Variants in ARHGEF18 observed in about 807,000 individuals in gnomAD.
The protein encoded by ARHGEF18 is Rho/Rac guanine nucleotide exchange factor 18.
A neutral mutation model predicts 155.7 loss-of-function variants in ARHGEF18; 93 were observed. The observed-to-expected ratio is 0.60, with a 90% CI of 0.50 to 0.71. ARHGEF18 has a LOEUF of 0.71. ARHGEF18 is among the 30% of genes least tolerant of loss of function. The pLI, the probability that ARHGEF18 is intolerant of heterozygous loss-of-function variation, is 0.00. For missense variants in ARHGEF18, 1,593 were observed against 1,816.1 expected (o/e 0.88, Z 2.23); for synonymous variants, 742 against 753.1 (o/e 0.99, Z 0.24).
intron 10 of ARHGEF18, among the ~76,000 whole-genome samples, chr19:7,385,480 A>G (rs182144091): frequency 8.2e-5 from 12 of 145,492 alleles, no homozygotes; most frequent in African/African-American, 2.0e-4. Context: ...TATTATTATT[A>G]TTATTATTAT....
rs35219215 is a variant in ARHGEF18 at position 7,352,531 on chromosome 19, C to CTTTTTTTT, written c.-111+3303_-111+3310dup. Among the ~76,000 whole-genome samples, 10 of 93,186 alleles carry CTTTTTTTT rather than the reference C, an allele frequency of 1.1e-4. 1 individual carries two copies. The highest frequency in any genetic ancestry group is 3.3e-4 in the East Asian group (1 of 3,044). The allele number at this position is 93,186 out of a possible 152,430, so 61.1% of individuals were successfully genotyped here. On this transcript the variant is annotated intron_variant, in intron 1 of 28. Transcript: ENST00000668164. Reference sequence around the variant, plus strand: ...TGTCCTTCTCACTTTCCTAGGTTTCCTTTTTTTTTTTTTTTTTTTTGAGAT... The same window carrying CTTTTTTTT: ...TGTCCTTCTCACTTTCCTAGGTTTCCTTTTTTTTTTTTTTTTTTTTTTTTTTTTGAGAT...
In ARHGEF18 at chr19:7,467,448, G is replaced by C; in HGVS notation, c.3244G>C (p.Glu1082Gln). The change falls in exon 26 of 29, where the codon GAG (glutamate) becomes CAG (glutamine). Residue 1082 changes from glutamate (E) to glutamine (Q), a missense_variant. Glu to Gln is a conservative substitution (Grantham distance 29). Coordinates refer to ENST00000668164, the MANE Select transcript of ARHGEF18 (RefSeq NM_001367823.1). The part of the protein sequence containing the change: ...RERQWQHQEL[E>Q]RAGARLQERE... ...GCGCCAGTGGCAGCACCAGGAGCTG[G>C]AGCGTGCGGGCGCGCGGCTGCAGGA... 6.5e-7 allele frequency: 1 copy of C among 1,527,494 alleles called. No homozygotes were observed. The highest frequency in any genetic ancestry group is 8.7e-7 in the Non-Finnish European group (1 of 1,143,124). 94.6% of individuals were successfully genotyped at this position (1,527,494 alleles called of 1,614,324 possible). A position where few individuals can be genotyped will look rare whatever the true frequency, so the allele number is the denominator to read the frequency against.
At position 7,467,482 on chromosome 19, in the gene ARHGEF18, G is replaced by A; in HGVS notation, c.3278G>A (p.Gly1093Asp). Reference protein sequence around the residue: ...RAGARLQEREGEARQLRERLE... With the variant: ...RAGARLQEREDEARQLRERLE... The stretch of plus-strand genomic sequence containing the variant: ...GGCGCGCGGCTGCAGGAGCGCGAGG[G>A]CGAGGCGCGGCAGCTACGCGAGCGG... Residue 1093 changes from glycine (G) to aspartate (D), a missense_variant, in exon 26 of 29, where the codon GGC (glycine) becomes GAC (aspartate). By Grantham distance (94) the Gly-to-Asp change is moderately conservative. Transcript: ENST00000668164. 2 of 1,452,642 alleles carry A rather than the reference G, an allele frequency of 1.4e-6. No homozygotes were observed. The highest frequency in any genetic ancestry group is 2.5e-4 in the Middle Eastern group (1 of 4,018). 90.0% of individuals were successfully genotyped at this position (1,452,642 alleles called of 1,614,324 possible). A position where few individuals can be genotyped will look rare whatever the true frequency, so the allele number is the denominator to read the frequency against.
At chr19:7,418,009 T>C (rs10404890) in intron 10 of ARHGEF18, among the ~76,000 whole-genome samples, 23,455 of 152,144 alleles carry the variant, frequency 0.15, 3,771 homozygotes, top group African/African-American at 0.41. Context: ...TTGCCGACCA[T>C]TCTTGCAGGT....
intron 2 of ARHGEF18, among the ~76,000 whole-genome samples, chr19:7,366,499 G>A (rs1969891908): frequency 6.6e-6 from 1 of 152,182 alleles, no homozygotes; most frequent in African/African-American, 2.4e-5. Flanking sequence ...CTCCTACTCA[G>A]TCCTCAGACC....
At chr19:7,465,792 AG>A (rs1479895846) in intron 23 of ARHGEF18, among the ~76,000 whole-genome samples, 2 of 152,198 alleles carry the variant, frequency 1.3e-5, no homozygotes, top group Non-Finnish European at 2.9e-5. Context: ...TTTTTAAAAT[AG>A]CTGATCCTTT....
intron 10 of ARHGEF18, among the ~76,000 whole-genome samples, chr19:7,426,000 AAAAAT>A (rs200882374): frequency 0.015 from 2,352 of 152,116 alleles, 59 homozygotes; most frequent in African/African-American, 0.052. Context: ...ACCCTGTCTC[AAAAAT>A]AAAATAAAAT....
intron 23 of ARHGEF18, 108 bp downstream of exon 23, chr19:7,464,798 A>C (rs1976515544): frequency 2.1e-6 from 3 of 1,426,534 alleles, no homozygotes; most frequent in Non-Finnish European, 2.9e-6. Flanking sequence ...AGCATCGACA[A>C]GCATTGTTTG....
chr19:7,373,849 ATTT>A lies in ARHGEF18; in HGVS notation c.275+795_275+797del, dbSNP rs57703407. Among the ~76,000 whole-genome samples the A allele has an allele frequency of 2.3e-3, 280 of 122,008 alleles. 1 individual carries two copies. The highest frequency in any genetic ancestry group is 3.1e-3 in the Non-Finnish European group (185 of 60,398). The allele number at this position is 122,008 out of a possible 152,430, so 80.0% of individuals were successfully genotyped here. ...CAATACAGTTCCCGCTCCTATGAGAATTTTTTTTTTTTTTTTTTTGAGACAGAA... is the reference window on the plus strand; with the variant it reads ...CAATACAGTTCCCGCTCCTATGAGAATTTTTTTTTTTTTTTTGAGACAGAA... On this transcript the variant is annotated intron_variant, in intron 3 of 28. Transcript: ENST00000668164.
chr19:7,438,555 G>C (rs779764999), intron 10 of ARHGEF18, among the ~76,000 whole-genome samples: 7 of 151,926 alleles, frequency 4.6e-5, no homozygotes, highest in Non-Finnish European at 8.8e-5. Context: ...GGTTTTACAG[G>C]CATGTGCCAC....
At chr19:7,461,032 C>T (rs1346197044) in intron 20 of ARHGEF18, among the ~76,000 whole-genome samples, 3 of 151,834 alleles carry the variant, frequency 2.0e-5, no homozygotes, top group Non-Finnish European at 4.4e-5. Flanking sequence ...CGTGATCTGC[C>T]TGCCTCGGCC....
At chr19:7,390,226 G>T (rs1417833064) in intron 10 of ARHGEF18, among the ~76,000 whole-genome samples, 2 of 152,082 alleles carry the variant, frequency 1.3e-5, no homozygotes, top group African/African-American at 2.4e-5. Flanking sequence ...GTGGGTAAAG[G>T]CTGGGCGTGG....
intron 10 of ARHGEF18, among the ~76,000 whole-genome samples, chr19:7,418,747 G>C (rs1425716107): frequency 6.6e-6 from 1 of 152,050 alleles, no homozygotes; most frequent in Non-Finnish European, 1.5e-5. Flanking sequence ...TCTCTGCCCC[G>C]GCCCATGTGG....
rs142982008 is a variant in ARHGEF18, at chr19:7,447,723, A to G, written c.1737+555A>G. Among the ~76,000 whole-genome samples the G allele has an allele frequency of 9.1e-3, 1,380 of 152,250 alleles. 17 individuals are homozygous for G. Among genetic ancestry groups the G allele is most frequent in the African/African-American group, 0.032 (1,316 of 41,544 alleles). On this transcript the variant is annotated intron_variant, in intron 15 of 28. Coordinates refer to ENST00000668164, the MANE Select transcript of ARHGEF18 (RefSeq NM_001367823.1). ...ATGTAAAATAAAGCGGGCCAGATGCAATGCCTCACGCTGTAAATCCAGCAC... is the reference window on the plus strand; with the variant it reads ...ATGTAAAATAAAGCGGGCCAGATGCGATGCCTCACGCTGTAAATCCAGCAC...
At chr19:7,458,931 G>A (rs1043368502) in intron 19 of ARHGEF18, among the ~76,000 whole-genome samples, 3 of 152,156 alleles carry the variant, frequency 2.0e-5, no homozygotes, top group African/African-American at 7.2e-5. Context: ...CTGCCATGGC[G>A]GGCTCTCTGC....
rs2145891409 is a variant in ARHGEF18 at position 7,463,350 on chromosome 19, C to T, written c.2636-468C>T. On this transcript the variant is annotated intron_variant, in intron 21 of 28. Coordinates refer to ENST00000668164, the MANE Select transcript of ARHGEF18 (RefSeq NM_001367823.1). This position sits in a 1 kb window ranked among gnomAD's most constrained non-coding sequence, Gnocchi z 5.2. Reference sequence around the variant, plus strand: ...AATGTTCTTGTCCCCACCTCTGTGCCTGGCCACAGCCTGTTGGTCCTAGAG... The same window carrying T: ...AATGTTCTTGTCCCCACCTCTGTGCTTGGCCACAGCCTGTTGGTCCTAGAG... Among the ~76,000 whole-genome samples, 1 of 152,344 alleles carries T rather than the reference C, an allele frequency of 6.6e-6. No individual in the cohort carries two copies. Among genetic ancestry groups the T allele is most frequent in the East Asian group, 1.9e-4 (1 of 5,184 alleles).
intron 10 of ARHGEF18, among the ~76,000 whole-genome samples, chr19:7,402,632 G>C (rs1007467669): frequency 4.6e-5 from 7 of 152,236 alleles, no homozygotes; most frequent in Admixed American, 4.6e-4. Flanking sequence ...AATGGTTTGA[G>C]ACTGAGTGGC....
chr19:7,468,714 T>C, intron 26 of ARHGEF18, 111 bp from the exon 27 acceptor site: 1 of 1,214,578 alleles, frequency 8.2e-7, no homozygotes, highest in Non-Finnish European at 1.1e-6. Flanking sequence ...TGCACCTGGC[T>C]CTGTCCAGAA....
intron 10 of ARHGEF18, among the ~76,000 whole-genome samples, chr19:7,398,104 G>C (rs1236973451): frequency 6.6e-6 from 1 of 151,964 alleles, no homozygotes; most frequent in African/African-American, 2.4e-5. Flanking sequence ...AGACGGTCTC[G>C]CTCTGGCGCC....
Sources: allele counts gnomAD v4.1 joint callset (sites outside exome capture counted in the v4.1 genomes callset), GRCh38; gene constraint gnomAD v4.1.1; non-coding constraint Gnocchi (gnomAD v3.1); transcripts MANE v1.5; gene names NCBI Gene and HGNC (gene_info 2026-07-23, HGNC 2026-07-21).